Variants in SCAPER observed in about 807,000 individuals in gnomAD.
The protein encoded by SCAPER is S phase cyclin A-associated protein in the endoplasmic reticulum.
In SCAPER, 98 loss-of-function variants were observed where a neutral mutation model predicts 182.2. That is an observed-to-expected ratio of 0.54 (90% CI 0.46 to 0.64). The LOEUF (loss-of-function observed/expected upper bound fraction) is 0.64. Among genes scored for constraint, SCAPER ranks in the 30% least tolerant of loss-of-function variants. The probability of loss-of-function intolerance (pLI) is 0.00; values close to 1 mark genes in which losing one functional copy is unlikely to be tolerated. For missense variants in SCAPER, 1,432 were observed against 1,690.0 expected (o/e 0.85, Z 2.68); for synonymous variants, 605 against 564.6 (o/e 1.07, Z -1.01).
chr15:76,611,544 T>G (rs535965397), intron 22 of SCAPER, among the ~76,000 whole-genome samples: 2 of 152,152 alleles, frequency 1.3e-5, no homozygotes, highest in Admixed American at 1.3e-4. Flanking sequence ...TTGCAAAAAA[T>G]TGAGGAGGAG....
Position 76,470,747 on chromosome 15 carries a change from C to T in SCAPER, c.3078+465G>A, listed in dbSNP as rs569570604. 3.9e-5 allele frequency among the ~76,000 whole-genome samples: 6 copies of T among 152,242 alleles called. No homozygotes were observed. In the South Asian group the frequency reaches 1.2e-3, roughly 32 times the overall value. ...ATTTCAACAATATAACAAGTTTTCTCCTTTCTAACAGAGGAGTTTTCTTTT... is the reference window on the plus strand; with the variant it reads ...ATTTCAACAATATAACAAGTTTTCTTCTTTCTAACAGAGGAGTTTTCTTTT... On this transcript the variant is annotated intron_variant, in intron 25 of 31. Coordinates refer to ENST00000563290, the MANE Select transcript of SCAPER (RefSeq NM_020843.4).
chr15:76,395,569 T>C (rs1354500982), intron 27 of SCAPER, among the ~76,000 whole-genome samples: 1 of 152,220 alleles, frequency 6.6e-6, no homozygotes, highest in African/African-American at 2.4e-5. Context: ...TATCTCTTTG[T>C]AGTTTTGATT....
chr15:76,733,830 C>CA (rs931215631), intron 15 of SCAPER, among the ~76,000 whole-genome samples: 237 of 143,874 alleles, frequency 1.6e-3, no homozygotes, highest in Middle Eastern at 7.0e-3. Context: ...AGGCATGGAA[C>CA]AAAAAAAAAA....
chr15:76,795,778 T>C (rs2065281789), intron 7 of SCAPER, among the ~76,000 whole-genome samples: 1 of 152,200 alleles, frequency 6.6e-6, no homozygotes, highest in African/African-American at 2.4e-5. Flanking sequence ...AATACAAATA[T>C]TGGCCAGGCA....
At chr15:76,586,305 A>G (rs1241082847) in intron 22 of SCAPER, among the ~76,000 whole-genome samples, 1 of 152,142 alleles carries the variant, frequency 6.6e-6, no homozygotes, top group Non-Finnish European at 1.5e-5. Context: ...AAATTAATTA[A>G]CCTTTCATAT....
Position 76,381,599 on chromosome 15 carries a change from C to T in SCAPER, c.3484G>A (p.Asp1162Asn). 1.9e-6 allele frequency: 3 copies of T among 1,594,530 alleles called. No individual in the cohort carries two copies. Among genetic ancestry groups the T allele is most frequent in the South Asian group, 1.1e-5 (1 of 88,042 alleles). Residue 1162 changes from aspartate to asparagine, a missense_variant, in exon 28 of 32, where the codon GAC becomes AAC. Transcript: ENST00000563290. ...CCTGTGGGATCCTGGCGATTATTGT[C>T]AAATATGCTGTATGACCTGACAAAG... is the stretch of plus-strand genomic sequence containing the variant. ...AVTGRSYSIF[D>N]NNRQDPTGLT...
chr15:76,826,013 T>C (rs1424546273), intron 5 of SCAPER, among the ~76,000 whole-genome samples: 1 of 152,218 alleles, frequency 6.6e-6, no homozygotes, highest in Non-Finnish European at 1.5e-5. Flanking sequence ...CCAAAAGTGC[T>C]GGGATTACAG....
chr15:76,861,353 A>T (rs1385716538), intron 3 of SCAPER, among the ~76,000 whole-genome samples: 2 of 152,232 alleles, frequency 1.3e-5, no homozygotes, highest in Non-Finnish European at 2.9e-5. Flanking sequence ...TTAACGAGAC[A>T]GTTATCACGA....
chr15:76,628,607 C>T (rs1438906905), intron 21 of SCAPER, among the ~76,000 whole-genome samples: 1 of 152,148 alleles, frequency 6.6e-6, no homozygotes, highest in African/African-American at 2.4e-5. Context: ...TTTCTGGGCT[C>T]TGTATTCTGT....
intron 20 of SCAPER, among the ~76,000 whole-genome samples, chr15:76,676,965 T>A (rs1241363887): frequency 1.3e-5 from 2 of 151,832 alleles, no homozygotes; most frequent in Admixed American, 1.3e-4. Context: ...GTAAAGAGGG[T>A]CAATTTGCAT....
At chr15:76,445,182 T>G (rs1198096961) in intron 25 of SCAPER, among the ~76,000 whole-genome samples, 2 of 152,228 alleles carry the variant, frequency 1.3e-5, no homozygotes, top group Admixed American at 6.5e-5. Context: ...TGCCTTTGCA[T>G]ACCCATAGCT....
At chr15:76,522,919 C>T (rs2042934465) in intron 23 of SCAPER, among the ~76,000 whole-genome samples, 1 of 152,024 alleles carries the variant, frequency 6.6e-6, no homozygotes, top group Non-Finnish European at 1.5e-5. Context: ...CATTCCTATT[C>T]ATCAAAATAG....
chr15:76,737,058 C>T (rs922942202), intron 15 of SCAPER: 7 of 152,388 alleles, frequency 4.6e-5, no homozygotes, highest in African/African-American at 1.7e-4. Flanking sequence ...TTCCAAATTC[C>T]TGTTAATGTT....
rs985752106 is a variant in SCAPER at position 76,892,644 on chromosome 15, T to G, written c.-59-8768A>C. 5.3e-5 allele frequency among the ~76,000 whole-genome samples: 8 copies of G among 152,276 alleles called. No individual in the cohort carries two copies. The South Asian group carries it at 6.2e-4, about 12-fold the overall frequency. On this transcript the variant is annotated intron_variant, in intron 1 of 31. Transcript: ENST00000563290. ...AGATACCATCTCACACCAGTTAGAA[T>G]GGCCATCATTAAAAATTCAGGAAAC...
At chr15:76,870,348 A>C (rs2072622134) in intron 2 of SCAPER, among the ~76,000 whole-genome samples, 1 of 152,180 alleles carries the variant, frequency 6.6e-6, no homozygotes, top group African/African-American at 2.4e-5. Flanking sequence ...CATGTACCCC[A>C]AAATTATGTA....
chr15:76,373,731 G>C (rs2042344353), intron 29 of SCAPER, among the ~76,000 whole-genome samples: 1 of 152,170 alleles, frequency 6.6e-6, no homozygotes, highest in African/African-American at 2.4e-5. Flanking sequence ...AGAACAGACT[G>C]CTTATTCCTG....
chr15:76,632,273 T>C (rs1440532536), intron 21 of SCAPER, among the ~76,000 whole-genome samples: 2 of 152,120 alleles, frequency 1.3e-5, no homozygotes, highest in Non-Finnish European at 2.9e-5. Context: ...CACTGCAACC[T>C]CCACCTGCTG....
intron 22 of SCAPER, among the ~76,000 whole-genome samples, chr15:76,618,167 C>G (rs372928826): frequency 6.6e-6 from 1 of 151,950 alleles, no homozygotes; most frequent in Non-Finnish European, 1.5e-5. Flanking sequence ...GGCTGAGGCA[C>G]GAGAACCACT....
intron 26 of SCAPER, among the ~76,000 whole-genome samples, chr15:76,417,173 C>T (rs949518516): frequency 6.6e-6 from 1 of 151,536 alleles, no homozygotes; most frequent in African/African-American, 2.4e-5. Flanking sequence ...AACACAAACC[C>T]GGTAATTATC....
Sources: allele counts gnomAD v4.1 joint callset (sites outside exome capture counted in the v4.1 genomes callset), GRCh38; gene constraint gnomAD v4.1.1; transcripts MANE v1.5; gene names NCBI Gene and HGNC (gene_info 2026-07-23, HGNC 2026-07-21).